The following CDKN2B-AS1 variants were observed in gnomAD, a reference collection of about 807,000 sequenced individuals.
The protein encoded by CDKN2B-AS1 is CDKN2B and CDKN2A antisense cis and trans regulatory RNA 1, also known as CDKN2B antisense RNA 1 (non-protein coding).
chr9:22,000,405 G>T lies in CDKN2B-AS1; in HGVS notation n.29+5244G>T, dbSNP rs1015929407. The stretch of plus-strand genomic sequence containing the variant: ...AACATATTAAAAACTACTAATTTTG[G>T]AATAGTCTTACTGTGATAAGTCTAA... On this transcript the variant is annotated intron_variant and non_coding_transcript_variant, in intron 1 of 4. Transcript: ENST00000650946. The surrounding 1 kb of genome is among the most constrained non-coding windows in gnomAD (Gnocchi z 4.1). Among the ~76,000 whole-genome samples, 7 of 152,074 alleles carry T rather than the reference G, an allele frequency of 4.6e-5. No individual in the cohort carries two copies. Among genetic ancestry groups the T allele is most frequent in the Non-Finnish European group, 8.8e-5 (6 of 68,000 alleles).
intron 4 of CDKN2B-AS1, among the ~76,000 whole-genome samples, chr9:22,069,789 C>A (rs1007726752): frequency 6.6e-6 from 1 of 152,086 alleles, no homozygotes; most frequent in African/African-American, 2.4e-5. Flanking sequence ...TAACTTTGTA[C>A]CTGTCGACCA....
At chr9:22,100,999 T>A (rs1383197855) in intron 4 of CDKN2B-AS1, among the ~76,000 whole-genome samples, 1 of 152,218 alleles carries the variant, frequency 6.6e-6, no homozygotes, top group African/African-American at 2.4e-5. Context: ...ACTGGGTTGT[T>A]TACCTCCCTA....
chr9:22,004,376 C>T (rs756740443), intron 1 of CDKN2B-AS1: 2 of 231,960 alleles, frequency 8.6e-6, no homozygotes, highest in Non-Finnish European at 1.7e-5. Flanking sequence ...AAGCATAATA[C>T]ATGTATACAC....
intron 3 of CDKN2B-AS1, among the ~76,000 whole-genome samples, chr9:22,053,902 G>T (rs1322652963): frequency 6.6e-6 from 1 of 151,704 alleles, no homozygotes; most frequent in Non-Finnish European, 1.5e-5. Flanking sequence ...ATACGTAACA[G>T]AAAAAGAGAT....
At chr9:22,040,780 T>TA (rs1296381620) in intron 1 of CDKN2B-AS1, among the ~76,000 whole-genome samples, 1 of 152,084 alleles carries the variant, frequency 6.6e-6, no homozygotes, top group African/African-American at 2.4e-5. Context: ...ATTTACAAAT[T>TA]AATGTAACAT....
intron 4 of CDKN2B-AS1, among the ~76,000 whole-genome samples, chr9:22,067,812 A>G (rs2131309493): frequency 6.6e-6 from 1 of 152,316 alleles, no homozygotes; most frequent in African/African-American, 2.4e-5. Flanking sequence ...CAAAACACAA[A>G]TTTGAAGGCA....
intron 4 of CDKN2B-AS1, among the ~76,000 whole-genome samples, chr9:22,116,750 G>T (rs1825959220): frequency 6.6e-6 from 1 of 152,188 alleles, no homozygotes; most frequent in Non-Finnish European, 1.5e-5. Flanking sequence ...GGCCATAAAA[G>T]GTCCTATAGG....
rs1820753530 is a variant in CDKN2B-AS1, at chr9:21,997,806, G to A, written n.29+2645G>A. On this transcript the variant is annotated intron_variant and non_coding_transcript_variant, in intron 1 of 4. Coordinates refer to ENST00000650946, the Ensembl canonical transcript of CDKN2B-AS1. The surrounding 1 kb of genome is among the most constrained non-coding windows in gnomAD (Gnocchi z 4.8). ...TAGACTGGTGTTTGACTCAAACACT[G>A]GGTACCACAGCCTAGCCAAGTTGAC... Among the ~76,000 whole-genome samples, 1 of 152,036 alleles carries A rather than the reference G, an allele frequency of 6.6e-6. No individual in the cohort carries two copies. Among genetic ancestry groups the A allele is most frequent in the Admixed American group, 6.6e-5 (1 of 15,258 alleles).
chr9:22,026,967 G>A (rs916659889), intron 1 of CDKN2B-AS1, among the ~76,000 whole-genome samples: 1 of 152,100 alleles, frequency 6.6e-6, no homozygotes, highest in African/African-American at 2.4e-5. Flanking sequence ...TTGACTCCAC[G>A]TCTTTCCCAA....
At chr9:22,031,435 A>G (rs868662494) in intron 1 of CDKN2B-AS1, among the ~76,000 whole-genome samples, 14 of 152,202 alleles carry the variant, frequency 9.2e-5, no homozygotes, top group Admixed American at 1.3e-4. Context: ...TTTAAAGATG[A>G]GAAAAGCAGG....
chr9:22,019,588 G>C (rs1301809250), intron 1 of CDKN2B-AS1, among the ~76,000 whole-genome samples: 1 of 152,162 alleles, frequency 6.6e-6, no homozygotes, highest in African/African-American at 2.4e-5. Flanking sequence ...TTCAGGTTCA[G>C]CAAAACTGAA....
chr9:22,046,949 C>A (rs1823134180), intron 2 of CDKN2B-AS1: 1 of 152,106 alleles, frequency 6.6e-6, no homozygotes, highest in Non-Finnish European at 1.5e-5. Flanking sequence ...ATCACAGAGA[C>A]CTAGGATCAA....
chr9:22,110,710 A>G (rs1362189166), intron 4 of CDKN2B-AS1, among the ~76,000 whole-genome samples: 1 of 151,870 alleles, frequency 6.6e-6, no homozygotes, highest in Non-Finnish European at 1.5e-5. Context: ...AAAACCCTAT[A>G]CTCATCTCTC....
chr9:22,113,235 C>T (rs921421722), intron 4 of CDKN2B-AS1, among the ~76,000 whole-genome samples: 1 of 152,168 alleles, frequency 6.6e-6, no homozygotes, highest in Non-Finnish European at 1.5e-5. Flanking sequence ...CTTTTAAACT[C>T]TCAGGCTGCT....
At chr9:22,048,248 T>G (rs911402127) in intron 2 of CDKN2B-AS1, among the ~76,000 whole-genome samples, 5 of 152,112 alleles carry the variant, frequency 3.3e-5, no homozygotes, top group African/African-American at 1.2e-4. Flanking sequence ...AGTGTGTGCC[T>G]CTAAGGTGGA....
chr9:22,001,063 C>T lies in CDKN2B-AS1; in HGVS notation n.29+5902C>T, dbSNP rs1035761072. On this transcript the variant is annotated intron_variant and non_coding_transcript_variant, in intron 1 of 4. Transcript: ENST00000650946. This position sits in a 1 kb window ranked among gnomAD's most constrained non-coding sequence, Gnocchi z 4.2. ...ATGGAAGAATTTGTGCATAGATAGA[C>T]GGCAGATGGGAATTCGTTTAAAATG... Among the ~76,000 whole-genome samples the T allele has an allele frequency of 4.6e-5, 7 of 152,004 alleles. No homozygotes were observed. The highest frequency in any genetic ancestry group is 2.1e-4 in the South Asian group (1 of 4,820).
chr9:22,112,091 CTGTTGGT>C (rs1825819069), intron 4 of CDKN2B-AS1: 3 of 152,160 alleles, frequency 2.0e-5, no homozygotes, highest in Admixed American at 2.0e-4. Flanking sequence ...AGTCACATCT[CTGTTGGT>C]TGTAAGTGGC....
intron 1 of CDKN2B-AS1, among the ~76,000 whole-genome samples, chr9:22,014,538 A>G (rs1165562525): frequency 6.6e-6 from 1 of 152,174 alleles, no homozygotes; most frequent in Non-Finnish European, 1.5e-5. Flanking sequence ...GAAAGACAGG[A>G]TAAACCACTA....
chr9:22,030,073 A>G (rs1822405234), intron 1 of CDKN2B-AS1: 1 of 152,214 alleles, frequency 6.6e-6, no homozygotes, highest in African/African-American at 2.4e-5. Context: ...TACGTTTATA[A>G]CTTGAAATAT....
Sources: allele counts gnomAD v4.1 joint callset (sites outside exome capture counted in the v4.1 genomes callset), GRCh38; gene constraint gnomAD v4.1.1; non-coding constraint Gnocchi (gnomAD v3.1); transcripts MANE v1.5; gene names NCBI Gene and HGNC (gene_info 2026-07-23, HGNC 2026-07-21).